The following KIF1B variants were observed in gnomAD, a reference collection of about 807,000 sequenced individuals.
KIF1B encodes the protein kinesin-like protein KIF1B.
In KIF1B, 76 loss-of-function variants were observed where a neutral mutation model predicts 241.9. The observed-to-expected ratio is 0.31, with a 90% CI of 0.26 to 0.38. The LOEUF is 0.38. KIF1B is among the 10% of genes least tolerant of loss of function. KIF1B has a pLI of 1.00. For missense variants in KIF1B, 1,622 were observed against 2,271.4 expected, an observed-to-expected ratio of 0.71 and a Z score of 5.81; for synonymous variants, 750 against 796.7, an observed-to-expected ratio of 0.94 and a Z score of 0.99.
At chr1:10,363,829 G>A (rs960777231) in intron 41 of KIF1B, among the ~76,000 whole-genome samples, 20 of 152,216 alleles carry the variant, frequency 1.3e-4, no homozygotes, top group African/African-American at 4.1e-4. Context: ...TTTGTAAACC[G>A]AAACATGAAC....
chr1:10,375,198 C>T (rs1638848378), intron 47 of KIF1B, 57 bp from the exon 48 acceptor site: 1 of 1,497,892 alleles, frequency 6.7e-7, no homozygotes, highest in African/African-American at 1.4e-5. Context: ...TATGGCAAGG[C>T]AGTCCCCATT....
intron 31 of KIF1B, among the ~76,000 whole-genome samples, chr1:10,339,100 G>A (rs986775720): frequency 2.0e-5 from 3 of 152,138 alleles, no homozygotes; most frequent in Admixed American, 1.3e-4. Flanking sequence ...GAGAGAGAGA[G>A]AGAACGATAA....
chr1:10,257,462 A>G (rs930960649), intron 3 of KIF1B, among the ~76,000 whole-genome samples: 2 of 150,370 alleles, frequency 1.3e-5, no homozygotes, highest in East Asian at 2.0e-4. Flanking sequence ...GTGATGGAAC[A>G]TGACTGTGTC....
At chr1:10,320,170 A>T (rs1377266450) in intron 23 of KIF1B, 34 bp downstream of exon 23, 8 of 1,415,954 alleles carry the variant, frequency 5.6e-6, no homozygotes, top group Non-Finnish European at 8.0e-6. Flanking sequence ...TCCTGTGTAT[A>T]TCTTTTTGAA....
At chr1:10,222,228 T>C (rs1646854311) in intron 1 of KIF1B, among the ~76,000 whole-genome samples, 1 of 152,214 alleles carries the variant, frequency 6.6e-6, no homozygotes, top group South Asian at 2.1e-4. Context: ...CATGGTCTCA[T>C]TTGACCTTGT....
At position 10,340,144 on chromosome 1, in the gene KIF1B, G is replaced by A. The variant is rs193224498; in HGVS notation, c.3513+285G>A. On this transcript the variant is annotated intron_variant, in intron 32 of 48. Transcript: ENST00000676179. ...TAGTGTTTCTGTCCTAGAAAAATAA[G>A]CATGCTTAATAAGAGTTTTATTAAA... is the stretch of plus-strand genomic sequence containing the variant. 1.5e-3 allele frequency among the ~76,000 whole-genome samples: 236 copies of A among 152,288 alleles called. 1 individual carries two copies. The highest frequency in any genetic ancestry group is 5.2e-3 in the African/African-American group (218 of 41,558).
At chr1:10,360,779 T>C in intron 38 of KIF1B, 150 bp from the exon 39 acceptor site, 1 of 704,328 alleles carries the variant, frequency 1.4e-6, no homozygotes, top group Non-Finnish European at 2.6e-6. Flanking sequence ...TCCTAGGAGA[T>C]AAGGGTTCCT....
intron 1 of KIF1B, among the ~76,000 whole-genome samples, chr1:10,217,553 G>T (rs1646785805): frequency 6.6e-6 from 1 of 152,022 alleles, no homozygotes; most frequent in African/African-American, 2.4e-5. Context: ...CTGGCCTCAG[G>T]TGATCCACCT....
In KIF1B at chr1:10,379,774, A is replaced by C. The variant is rs2102370006; in HGVS notation, c.*3187A>C. On this transcript the variant is annotated 3_prime_UTR_variant, in exon 49 of 49. Coordinates refer to ENST00000676179, the MANE Select transcript of KIF1B (RefSeq NM_001365951.3). ...AAAATATGGCCTCACCACCAGCCCC[A>C]AATCAGTGCTCAGACCCTCTCTGTG... The C allele has an allele frequency of 4.3e-6, 1 of 230,924 alleles. No homozygotes were observed. The highest frequency in any genetic ancestry group is 6.2e-5 in the East Asian group (1 of 16,232). The allele number at this position is 230,924 out of a possible 1,614,324, so 14.3% of individuals were successfully genotyped here.
Position 10,365,931 on chromosome 1 carries a change from C to G in KIF1B, c.4752+283C>G, listed in dbSNP as rs958111260. Reference sequence around the variant, plus strand: ...AGGCTAACATAGTGAGACCTTGTCTCTACAAAAACAAAAATTAGGCCAGGC... The same window carrying G: ...AGGCTAACATAGTGAGACCTTGTCTGTACAAAAACAAAAATTAGGCCAGGC... On this transcript the variant is annotated intron_variant, in intron 43 of 48. Transcript: ENST00000676179. The surrounding 1 kb of genome is among the most constrained non-coding windows in gnomAD (Gnocchi z 4.0). Among the ~76,000 whole-genome samples the G allele has an allele frequency of 6.6e-6, 1 of 152,086 alleles. No individual in the cohort carries two copies. The highest frequency in any genetic ancestry group is 2.4e-5 in the African/African-American group (1 of 41,418).
intron 14 of KIF1B, 35 bp downstream of exon 14, chr1:10,279,173 C>G (rs1431825271): frequency 7.0e-7 from 1 of 1,420,036 alleles, no homozygotes; most frequent in South Asian, 1.2e-5. Context: ...TTCCAGTACT[C>G]TGACTTGCTA....
intron 2 of KIF1B, among the ~76,000 whole-genome samples, chr1:10,235,862 C>CAAAAAAAAAAAAAAAAAAAAAAAAAAA (rs70997211): frequency 1.4e-5 from 1 of 70,380 alleles, no homozygotes; most frequent in Non-Finnish European, 2.7e-5. Flanking sequence ...AACACTGTCT[C>CAAAAAAAAAAAAAAAAAAAAAAAAAAA]AAAAAAAAAA....
At chr1:10,300,734 T>G (rs1054454000) in intron 22 of KIF1B, among the ~76,000 whole-genome samples, 3 of 152,230 alleles carry the variant, frequency 2.0e-5, no homozygotes, top group African/African-American at 4.8e-5. Context: ...CAAAAAATCC[T>G]CTTCAGGAGT....
chr1:10,281,414 A>G (rs1019183486), intron 14 of KIF1B, among the ~76,000 whole-genome samples: 3 of 152,092 alleles, frequency 2.0e-5, no homozygotes, highest in African/African-American at 7.2e-5. Flanking sequence ...TTTTTCTTTT[A>G]CCAATACTGA....
intron 2 of KIF1B, among the ~76,000 whole-genome samples, chr1:10,253,591 T>A (rs1489153362): frequency 6.6e-6 from 1 of 152,144 alleles, no homozygotes. Context: ...TGTAGTGAAT[T>A]GTGGTTGTAC....
At chr1:10,313,981 G>C (rs776647305) in intron 22 of KIF1B, among the ~76,000 whole-genome samples, 11 of 151,180 alleles carry the variant, frequency 7.3e-5, no homozygotes, top group South Asian at 2.1e-4. Flanking sequence ...TGCAACCTCT[G>C]CCTCCTGGGT....
intron 15 of KIF1B, among the ~76,000 whole-genome samples, chr1:10,285,046 C>T (rs956435234): frequency 1.3e-5 from 2 of 152,074 alleles, no homozygotes; most frequent in African/African-American, 4.8e-5. Context: ...TTACTAAAGA[C>T]CTTAGTGAAG....
chr1:10,243,990 A>G (rs958640823), intron 2 of KIF1B, among the ~76,000 whole-genome samples: 7 of 152,138 alleles, frequency 4.6e-5, no homozygotes, highest in Admixed American at 3.9e-4. Flanking sequence ...GCTAAGTAAC[A>G]TGTTTTATAG....
chr1:10,285,435 G>C (rs1649638952), intron 15 of KIF1B, among the ~76,000 whole-genome samples: 1 of 152,134 alleles, frequency 6.6e-6, no homozygotes, highest in Admixed American at 6.5e-5. Flanking sequence ...ATAATTTCTA[G>C]GGAATAACAC....
Sources: gnomAD v4.1 joint callset for allele counts (sites outside exome capture counted in the v4.1 genomes callset) on GRCh38, gnomAD v4.1.1 for gene constraint, Gnocchi (gnomAD v3.1) non-coding constraint, MANE v1.5 for transcripts, NCBI Gene and HGNC (gene_info 2026-07-23, HGNC 2026-07-21) for gene names.